The following RLIM variants were observed in gnomAD, a reference collection of about 807,000 sequenced individuals.
The protein encoded by RLIM is ring finger protein, LIM domain interacting, also known as E3 ubiquitin-protein ligase RLIM.
In RLIM, 2 loss-of-function variants were observed where a neutral mutation model predicts 34.0. That is an observed-to-expected ratio of 0.06 (90% CI 0.02 to 0.19). The LOEUF (loss-of-function observed/expected upper bound fraction) is 0.19. RLIM is among the 10% of genes least tolerant of loss of function. RLIM has a pLI of 1.00. For missense variants in RLIM, 286 were observed against 479.7 expected, an observed-to-expected ratio of 0.60 and a Z score of 3.77; for synonymous variants, 169 against 164.0, an observed-to-expected ratio of 1.03 and a Z score of -0.23.
Position 74,599,587 on chromosome X carries a change from T to C in RLIM, c.-23-3587A>G, listed in dbSNP as rs778417221. Among the ~76,000 whole-genome samples, 7 of 111,150 alleles carry C rather than the reference T, an allele frequency of 6.3e-5. No individual in the cohort carries two copies. In the South Asian group the frequency reaches 2.3e-3, roughly 36 times the overall value. On this transcript the variant is annotated intron_variant, in intron 1 of 3. Transcript: ENST00000332687. ...GAATGAGATTAACGCTTTTATAAAA[T>C]AGTCCCCAGAGAGTTCCTTTGTCCT...
intron 1 of RLIM, among the ~76,000 whole-genome samples, chrX:74,601,550 C>T (rs1200783450): frequency 8.9e-6 from 1 of 111,920 alleles, no homozygotes; most frequent in Admixed American, 9.5e-5. Flanking sequence ...CTTATTTAAC[C>T]TTATTTGCTT....
At chrX:74,610,820 G>A (rs1489066308) in intron 1 of RLIM, among the ~76,000 whole-genome samples, 7 of 110,208 alleles carry the variant, frequency 6.4e-5, no homozygotes, top group Admixed American at 1.9e-4. Flanking sequence ...AAACCAGGAG[G>A]TGGAGGTTGC....
chrX:74,609,128 A>AT lies in RLIM; in HGVS notation c.-24+5293dup, dbSNP rs771859958. Among the ~76,000 whole-genome samples, 70 of 111,806 alleles carry AT rather than the reference A, an allele frequency of 6.3e-4. 2 individuals are homozygous for AT. In the Admixed American group the frequency reaches 6.7e-3, roughly 11 times the overall value. ...GGTGTTCATCAGTAACTAAGGCACT[A>AT]TTTTAAGGACCTAAGATTTTTCCAT... On this transcript the variant is annotated intron_variant, in intron 1 of 3. Coordinates refer to ENST00000332687, the MANE Select transcript of RLIM (RefSeq NM_016120.4).
chrX:74,594,913 A>T (rs1252471955), intron 2 of RLIM, among the ~76,000 whole-genome samples: 1 of 108,060 alleles, frequency 9.3e-6, no homozygotes, highest in Non-Finnish European at 1.9e-5. Flanking sequence ...AAAAAAAAAA[A>T]AAAAAAAGGC....
chrX:74,587,469 A>G lies in RLIM; in HGVS notation c.*3971T>C, dbSNP rs2079592801. ...AAGCCTGTAAGGTAAAACTTAAAAA[A>G]AAAATCAAATAAGGCAGATTATAAT... On this transcript the variant is annotated 3_prime_UTR_variant, in exon 4 of 4. Transcript: ENST00000332687. The G allele has an allele frequency of 8.9e-6, 1 of 112,193 alleles. No individual in the cohort carries two copies. Among genetic ancestry groups the G allele is most frequent in the Non-Finnish European group, 1.9e-5 (1 of 53,288 alleles). The allele number at this position is 112,193 out of a possible 1,213,427, so 9.2% of individuals were successfully genotyped here. A position where few individuals can be genotyped will look rare whatever the true frequency, so the allele number is the denominator to read the frequency against.
At chrX:74,607,692 G>A (rs1454536106) in intron 1 of RLIM, among the ~76,000 whole-genome samples, 1 of 112,606 alleles carries the variant, frequency 8.9e-6, no homozygotes, top group Non-Finnish European at 1.9e-5. Flanking sequence ...CTGGGTGACA[G>A]AGCGAGACTC....
chrX:74,607,961 T>C (rs1011355259), intron 1 of RLIM, among the ~76,000 whole-genome samples: 1 of 112,530 alleles, frequency 8.9e-6, no homozygotes, highest in African/African-American at 3.2e-5. Context: ...ACCAAAAGTG[T>C]TGGGGATTCT....
chrX:74,606,667 G>C (rs2079683325), intron 1 of RLIM, among the ~76,000 whole-genome samples: 1 of 111,914 alleles, frequency 8.9e-6, no homozygotes, highest in Admixed American at 9.5e-5. Flanking sequence ...CTGGTGCTAA[G>C]TATAAACACA....
chrX:74,595,133 G>C (rs1291465269), intron 2 of RLIM, among the ~76,000 whole-genome samples: 1 of 111,685 alleles, frequency 9.0e-6, no homozygotes, highest in African/African-American at 3.3e-5. Flanking sequence ...CTGAGCGACA[G>C]ACTGGCTTGC....
intron 1 of RLIM, among the ~76,000 whole-genome samples, chrX:74,599,595 A>G (rs1237647902): frequency 9.0e-6 from 1 of 111,320 alleles, no homozygotes; most frequent in African/African-American, 3.3e-5. Flanking sequence ...AATAGTCCCC[A>G]GAGAGTTCCT....
At position 74,587,965 on chromosome X, in the gene RLIM, CT is replaced by C. The variant is rs1187956240; in HGVS notation, c.*3474del. ...TATTTTATTTCCTGGTGCTAAAGGT[CT>C]TATAAACTGTACAATTACCTACATT... On this transcript the variant is annotated 3_prime_UTR_variant, in exon 4 of 4. Transcript: ENST00000332687. The C allele has an allele frequency of 1.4e-4, 16 of 112,116 alleles. No individual in the cohort carries two copies. The highest frequency in any genetic ancestry group is 5.2e-4 in the African/African-American group (16 of 30,813). The allele number at this position is 112,116 out of a possible 1,213,427, so 9.2% of individuals were successfully genotyped here.
At chrX:74,600,729 G>T (rs1345019968) in intron 1 of RLIM, among the ~76,000 whole-genome samples, 1 of 110,010 alleles carries the variant, frequency 9.1e-6, no homozygotes, top group Non-Finnish European at 1.9e-5. Flanking sequence ...ATAGTATCGG[G>T]GGCTGGGTGC....
chrX:74,600,850 TAAAAAAA>T (rs1242204233), intron 1 of RLIM, among the ~76,000 whole-genome samples: 4 of 71,234 alleles, frequency 5.6e-5, no homozygotes, highest in African/African-American at 1.7e-4. Flanking sequence ...CATCTCTACT[TAAAAAAA>T]AAAAAAAAAA....
chrX:74,611,743 C>T (rs1037626214), intron 1 of RLIM, among the ~76,000 whole-genome samples: 1 of 112,151 alleles, frequency 8.9e-6, no homozygotes, highest in Middle Eastern at 4.2e-3. Context: ...AGAAGTATAA[C>T]GTCAGACAGG....
Position 74,591,749 on chromosome X carries a change from T to A in RLIM, c.1566A>T (p.Glu522Asp), listed in dbSNP as rs780393532. 1 of 1,211,777 alleles carries A rather than the reference T, an allele frequency of 8.3e-7. No homozygotes were observed. The highest frequency in any genetic ancestry group is 2.2e-5 in the Admixed American group (1 of 46,025). Residue 522 changes from glutamate (E) to aspartate (D), a missense_variant, in exon 4 of 4, where the codon GAA (glutamate) becomes GAT (aspartate). Glu to Asp is a conservative substitution (Grantham distance 45). Coordinates refer to ENST00000332687, the MANE Select transcript of RLIM (RefSeq NM_016120.4). Reference protein sequence around the residue: ...GRHRAPVTFDESGSLPFLSLA... With the variant: ...GRHRAPVTFDDSGSLPFLSLA... The stretch of plus-strand genomic sequence containing the variant: ...GGCTAAGGAAGGGCAAAGAGCCACT[T>A]TCATCAAATGTGACTGGGGCCCTAT...
intron 1 of RLIM, among the ~76,000 whole-genome samples, chrX:74,603,838 G>A (rs991047196): frequency 1.8e-5 from 2 of 111,598 alleles, no homozygotes; most frequent in African/African-American, 6.5e-5. Context: ...GACTGACCAC[G>A]GTGGCTCATG....
At chrX:74,595,600 A>G (rs1456595327) in intron 2 of RLIM, among the ~76,000 whole-genome samples, 2 of 112,365 alleles carry the variant, frequency 1.8e-5, no homozygotes, top group Non-Finnish European at 3.8e-5. Flanking sequence ...TTCATAATTC[A>G]TAAGTTAAAA....
At chrX:74,612,838 G>C (rs1015694431) in intron 1 of RLIM, among the ~76,000 whole-genome samples, 1 of 111,410 alleles carries the variant, frequency 9.0e-6, no homozygotes, top group African/African-American at 3.3e-5. Context: ...CTAAGACTGA[G>C]AGACAATTTA....
At position 74,591,811 on chromosome X, in the gene RLIM, A is replaced by G. The variant is rs748910911; in HGVS notation, c.1504T>C (p.Ser502Pro). 18 of 1,211,576 alleles carry G rather than the reference A, an allele frequency of 1.5e-5. No individual in the cohort carries two copies. The highest frequency in any genetic ancestry group is 1.9e-5 in the Non-Finnish European group (17 of 895,508). Residue 502 changes from serine to proline, a missense_variant, in exon 4 of 4, where the codon TCA becomes CCA. Ser to Pro is a moderately conservative substitution (Grantham distance 74, BLOSUM62 -1). This residue lies in a region of RLIM where 69 missense variants were observed against 83.5 expected (regional missense o/e 0.83). Coordinates refer to ENST00000332687, the MANE Select transcript of RLIM (RefSeq NM_016120.4). ...LFEGSNEGSS[S>P]SGSSGARREG... is the part of the protein sequence containing the mutation. The stretch of plus-strand genomic sequence containing the variant: ...CGCCTGGCACCTGATGAGCCTGATG[A>G]TGAGCTTCCTTCATTACTGCCTTCA...
Sources: allele counts gnomAD v4.1 joint callset (sites outside exome capture counted in the v4.1 genomes callset), GRCh38; gene constraint gnomAD v4.1.1; regional missense constraint gnomAD v4.1.1; transcripts MANE v1.5; gene names NCBI Gene and HGNC (gene_info 2026-07-23, HGNC 2026-07-21).